The following PEX2 variants were observed in gnomAD, a reference collection of about 807,000 sequenced individuals.
PEX2 encodes peroxisome biogenesis factor 2.
Under a neutral mutation model 25.2 loss-of-function variants are expected in PEX2, and 19 were observed. That is an observed-to-expected ratio of 0.75 (90% confidence interval 0.53 to 1.10). The LOEUF (loss-of-function observed/expected upper bound fraction) is 1.10, where lower values mean the gene tolerates loss of function less well. PEX2 is among the 50% of genes least tolerant of loss of function. The pLI, the probability that PEX2 is intolerant of heterozygous loss-of-function variation, is 0.00. For synonymous variants in PEX2, 141 were observed against 127.7 expected (o/e 1.10, Z -0.70); for missense variants, 347 against 350.6 (o/e 0.99, Z 0.08).
upstream of PEX2, chr8:77,000,272 G>A (rs1807468543): frequency 6.6e-6 from 2 of 303,336 alleles, no homozygotes; most frequent in South Asian, 5.3e-5. Flanking sequence ...ACACCCGCGC[G>A]CGGTGATTGG....
rs972258214 is a variant in PEX2 at position 76,980,761 on chromosome 8, C to T, written c.*2500G>A. 7 of 152,192 alleles carry T rather than the reference C, an allele frequency of 4.6e-5. No homozygotes were observed. Among genetic ancestry groups the T allele is most frequent in the Admixed American group, 2.6e-4 (4 of 15,280 alleles). The allele number at this position is 152,192 out of a possible 1,614,324, so 9.4% of individuals were successfully genotyped here. On this transcript the variant is annotated 3_prime_UTR_variant, in exon 4 of 4. Coordinates refer to ENST00000357039, the MANE Select transcript of PEX2 (RefSeq NM_000318.3). ...TGAAACCGACTCAGAGTAATACTGA[C>T]AACAGCAAAGGAAAGCACTACTATT...
At position 76,983,080 on chromosome 8, in the gene PEX2, C is replaced by T. The variant is rs746919227; in HGVS notation, c.*181G>A. The T allele has an allele frequency of 2.8e-6, 4 of 1,407,978 alleles. No homozygotes were observed. The highest frequency in any genetic ancestry group is 3.7e-6 in the Non-Finnish European group (4 of 1,072,534). The allele number at this position is 1,407,978 out of a possible 1,614,324, so 87.2% of individuals were successfully genotyped here. On this transcript the variant is annotated 3_prime_UTR_variant, in exon 4 of 4. Transcript: ENST00000357039. The stretch of plus-strand genomic sequence containing the variant: ...AAAAAACATAATACATTAACATTTA[C>T]ATAATATATTTAGAATCACATGGTT...
At chr8:76,999,297 T>C (rs1270178280) in intron 1 of PEX2, among the ~76,000 whole-genome samples, 2 of 152,214 alleles carry the variant, frequency 1.3e-5, no homozygotes, top group African/African-American at 4.8e-5. Context: ...TTCAACAGCT[T>C]GCTCATTTTG....
At chr8:76,987,569 C>T (rs1807043629) in intron 2 of PEX2, among the ~76,000 whole-genome samples, 1 of 152,122 alleles carries the variant, frequency 6.6e-6, no homozygotes, top group Admixed American at 6.5e-5. Flanking sequence ...ACATTTTAGA[C>T]TACTTGTTCT....
At chr8:76,990,573 C>G (rs1807140157) in intron 1 of PEX2, among the ~76,000 whole-genome samples, 1 of 152,092 alleles carries the variant, frequency 6.6e-6, no homozygotes, top group Non-Finnish European at 1.5e-5. Context: ...CCATTGTAGG[C>G]TTATCTTAAT....
chr8:76,997,435 G>A (rs910556656), intron 1 of PEX2, among the ~76,000 whole-genome samples: 6 of 152,104 alleles, frequency 3.9e-5, no homozygotes, highest in African/African-American at 1.2e-4. Flanking sequence ...CAAGTGTGGT[G>A]GTGCACACCT....
At chr8:76,999,699 G>C in intron 1 of PEX2, 1 of 369,720 alleles carries the variant, frequency 2.7e-6, no homozygotes, top group South Asian at 2.0e-5. Context: ...AAAAGATTTC[G>C]AAGTTCGTCT....
chr8:76,996,959 T>TA (rs1563613008), intron 1 of PEX2, among the ~76,000 whole-genome samples: 1 of 152,162 alleles, frequency 6.6e-6, no homozygotes, highest in Non-Finnish European at 1.5e-5. Flanking sequence ...ACATACAAAA[T>TA]ACACTTAGTA....
At chr8:77,000,310 G>A, upstream of PEX2, 1 of 294,750 alleles carries the variant, frequency 3.4e-6, no homozygotes, top group Non-Finnish European at 6.6e-6. Flanking sequence ...CTCTGTCTCT[G>A]ATTGGCAGGA....
chr8:76,986,919 C>G (rs1444055657), intron 2 of PEX2, among the ~76,000 whole-genome samples: 1 of 152,096 alleles, frequency 6.6e-6, no homozygotes, highest in African/African-American at 2.4e-5. Flanking sequence ...TATCTCAGTT[C>G]CTGGTACACA....
At chr8:76,985,923 A>G (rs1404964173) in intron 3 of PEX2, among the ~76,000 whole-genome samples, 6 of 152,238 alleles carry the variant, frequency 3.9e-5, no homozygotes, top group African/African-American at 1.4e-4. Flanking sequence ...AACACAATTT[A>G]TTAGAAGGTA....
intron 3 of PEX2, among the ~76,000 whole-genome samples, chr8:76,984,397 C>G (rs1806944751): frequency 6.6e-6 from 1 of 152,170 alleles, no homozygotes; most frequent in South Asian, 2.1e-4. Context: ...CTTTCTCCCC[C>G]TGCCTTTTTT....
intron 1 of PEX2, among the ~76,000 whole-genome samples, chr8:76,994,545 CA>C (rs1292548945): frequency 2.0e-5 from 3 of 152,064 alleles, no homozygotes; most frequent in Non-Finnish European, 4.4e-5. Flanking sequence ...CCAAGACTCT[CA>C]GTATTAGAGG....
rs144479225 is a variant in PEX2 at position 76,992,099 on chromosome 8, G to A, written c.-159-3761C>T. 1.2e-4 allele frequency among the ~76,000 whole-genome samples: 18 copies of A among 152,252 alleles called. No individual in the cohort carries two copies. In the East Asian group the frequency reaches 2.5e-3, roughly 21 times the overall value. On this transcript the variant is annotated intron_variant, in intron 1 of 3. Coordinates refer to ENST00000357039, the MANE Select transcript of PEX2 (RefSeq NM_000318.3). ...CATAATGTCACCCTTATGTGTGCAC[G>A]TGGGAGGGGCCAGGCAGGAGTGGGC...
chr8:76,999,543 A>G (rs777177239), intron 1 of PEX2, among the ~76,000 whole-genome samples: 1 of 152,206 alleles, frequency 6.6e-6, no homozygotes, highest in Non-Finnish European at 1.5e-5. Context: ...CGCTTTCAAC[A>G]GTGTTAGAAA....
In PEX2 at chr8:76,983,446, C is replaced by G. The variant is rs112108739; in HGVS notation, c.733G>C (p.Ala245Pro). ...ATGGTGGGCCACTCTCCACATAGAG[C>G]GCATTCTTTGCCACTGGTGGCTAAT... ...NTLATSGKEC[A>P]LCGEWPTMPH... Residue 245 changes from alanine to proline, a missense_variant, in exon 4 of 4, where the codon GCT (alanine) becomes CCT (proline). Physicochemically the swap from Ala to Pro is conservative, Grantham distance 27 (BLOSUM62 -1). Coordinates refer to ENST00000357039, the MANE Select transcript of PEX2 (RefSeq NM_000318.3). 4.0e-5 allele frequency: 65 copies of G among 1,613,944 alleles called. No individual in the cohort carries two copies. Among genetic ancestry groups the G allele is most frequent in the Non-Finnish European group, 4.8e-5 (57 of 1,180,036 alleles).
rs1806805261 is a variant in PEX2, at chr8:76,980,988, C to A, written c.*2273G>T. On this transcript the variant is annotated 3_prime_UTR_variant, in exon 4 of 4. Coordinates refer to ENST00000357039, the MANE Select transcript of PEX2 (RefSeq NM_000318.3). ...ATGAGAGCCAAAGGATAAAGCCTGT[C>A]TCAAAGAGAACCATCTGAGCACCTA... 6.6e-6 allele frequency: 1 copy of A among 152,172 alleles called. No individual in the cohort carries two copies. Among genetic ancestry groups the A allele is most frequent in the South Asian group, 2.1e-4 (1 of 4,828 alleles). The allele number at this position is 152,172 out of a possible 1,614,324, so 9.4% of individuals were successfully genotyped here. A position where few individuals can be genotyped will look rare whatever the true frequency, so the allele number is the denominator to read the frequency against.
chr8:76,990,675 A>G lies in PEX2; in HGVS notation c.-159-2337T>C, dbSNP rs557838788. ...ATATTTGTTAAGTTCACCATCTTATATGGATACAGTTCTTGGTGCCCCAGA... is the reference window on the plus strand; with the variant it reads ...ATATTTGTTAAGTTCACCATCTTATGTGGATACAGTTCTTGGTGCCCCAGA... On this transcript the variant is annotated intron_variant, in intron 1 of 3. Transcript: ENST00000357039. Among the ~76,000 whole-genome samples, 4 of 152,214 alleles carry G rather than the reference A, an allele frequency of 2.6e-5. No homozygotes were observed. The East Asian group carries it at 7.7e-4, about 29-fold the overall frequency.
At position 76,986,223 on chromosome 8, in the gene PEX2, A is replaced by G. The variant is rs1363583263; in HGVS notation, c.-54T>C. On this transcript the variant is annotated 5_prime_UTR_variant, in exon 3 of 4. Coordinates refer to ENST00000357039, the MANE Select transcript of PEX2 (RefSeq NM_000318.3). ...TCCTGCAGCTCCCTCAAGACTGGACAGCCTATAGCTATGACAGTGGGAATT... is the reference window on the plus strand; with the variant it reads ...TCCTGCAGCTCCCTCAAGACTGGACGGCCTATAGCTATGACAGTGGGAATT... The G allele has an allele frequency of 6.6e-6, 1 of 152,196 alleles. No homozygotes were observed. Among genetic ancestry groups the G allele is most frequent in the African/African-American group, 2.4e-5 (1 of 41,452 alleles). 9.4% of individuals were successfully genotyped at this position (152,196 alleles called of 1,614,324 possible).
Sources: gnomAD v4.1 joint callset for allele counts (sites outside exome capture counted in the v4.1 genomes callset) on GRCh38, gnomAD v4.1.1 for gene constraint, MANE v1.5 for transcripts, NCBI Gene and HGNC (gene_info 2026-07-23, HGNC 2026-07-21) for gene names.